Variants in NAA11 observed in about 807,000 individuals in gnomAD.
NAA11 encodes the protein N-alpha-acetyltransferase 11, NatA catalytic subunit, also known as N-alpha-acetyltransferase 11.
NAA11 carries 15 observed loss-of-function variants against 16.1 expected under a neutral mutation model. The ratio of observed to expected loss-of-function variants is 0.93; its 90% CI spans 0.62 to 1.44. The LOEUF (loss-of-function observed/expected upper bound fraction) is 1.44, where lower values mean the gene tolerates loss of function less well. NAA11 is among the 40% of genes most tolerant of loss of function. The pLI is 0.00. For missense variants in NAA11, 298 were observed against 291.3 expected (o/e 1.02, Z -0.17); for synonymous variants, 122 against 112.4 (o/e 1.09, Z -0.54).
intron 1 of NAA11, chr4:79,306,942 T>C (rs1723600598): frequency 6.6e-6 from 1 of 152,230 alleles, no homozygotes. Flanking sequence ...CTTTTCTGAT[T>C]GTTTGAGCCT....
the NAA11 span, among the ~76,000 whole-genome samples, chr4:79,201,311 T>A: frequency 6.6e-6 from 1 of 151,796 alleles, no homozygotes; most frequent in East Asian, 1.9e-4. Context: ...AGATTCTTTA[T>A]ACACATAGCA....
At chr4:79,199,618 T>A in the NAA11 span, among the ~76,000 whole-genome samples, 1 of 151,902 alleles carries the variant, frequency 6.6e-6, no homozygotes, top group Admixed American at 6.6e-5. Flanking sequence ...AATGGCTTGT[T>A]TATTCTGCAC....
At chr4:79,208,201 T>C in the NAA11 span, among the ~76,000 whole-genome samples, 1 of 152,298 alleles carries the variant, frequency 6.6e-6, no homozygotes, top group East Asian at 1.9e-4. Context: ...TTTTCCTCAC[T>C]TGGCCTCTCC....
chr4:79,160,120 T>C, the NAA11 span, among the ~76,000 whole-genome samples: 4 of 152,170 alleles, frequency 2.6e-5, no homozygotes, highest in African/African-American at 9.6e-5. Flanking sequence ...GCCTCCCAAG[T>C]AGCTGGGATT....
the NAA11 span, among the ~76,000 whole-genome samples, chr4:79,174,904 T>A: frequency 6.6e-6 from 1 of 152,084 alleles, no homozygotes; most frequent in African/African-American, 2.4e-5. Context: ...TTCCTGAGCA[T>A]GTAAGAAATA....
At chr4:79,168,995 C>G in the NAA11 span, among the ~76,000 whole-genome samples, 1 of 152,086 alleles carries the variant, frequency 6.6e-6, no homozygotes, top group African/African-American at 2.4e-5. Flanking sequence ...TGAGTGAACT[C>G]CCATTCACAA....
chr4:79,245,787 GC>G (rs1192839886), intron 2 of NAA11, among the ~76,000 whole-genome samples: 2 of 142,968 alleles, frequency 1.4e-5, no homozygotes, highest in Admixed American at 6.8e-5. Flanking sequence ...CCGCCCAGCC[GC>G]CCGTCTGGGG....
rs1364710864 is a variant in NAA11 at position 79,316,911 on chromosome 4, T to C, written c.*893A>G. ...ACTTTGGCTTTGAATTCAAACAGAA[T>C]TGGGTTCAGATCCAGGATATTTAAT... On this transcript the variant is annotated 3_prime_UTR_variant, in exon 2 of 2. Coordinates refer to ENST00000286794, the MANE Select transcript of NAA11 (RefSeq NM_032693.3). 8.5e-5 allele frequency: 13 copies of C among 152,122 alleles called. No individual in the cohort carries two copies. Among genetic ancestry groups the C allele is most frequent in the Admixed American group, 7.9e-4 (12 of 15,272 alleles). 9.4% of individuals were successfully genotyped at this position (152,122 alleles called of 1,614,324 possible).
intron 2 of NAA11, among the ~76,000 whole-genome samples, chr4:79,275,160 C>T (rs2109983333): frequency 8.8e-6 from 1 of 114,050 alleles, no homozygotes; most frequent in South Asian, 2.8e-4. Context: ...TTATTTTTCC[C>T]CTCCTACAGG....
the NAA11 span, among the ~76,000 whole-genome samples, chr4:79,220,375 G>A: frequency 1.8e-4 from 28 of 152,048 alleles, no homozygotes; most frequent in Non-Finnish European, 2.9e-5. Context: ...TTACAGACAT[G>A]AGCCACTGTG....
rs75983121 is a variant in NAA11 at position 79,253,894 on chromosome 4, C to T, written c.*123-27624G>A. 2.9e-3 allele frequency among the ~76,000 whole-genome samples: 444 copies of T among 152,300 alleles called. 3 individuals carry two copies. The highest frequency in any genetic ancestry group is 9.8e-3 in the African/African-American group (409 of 41,564). ...TTGTCAAAATAGATGAGCTTTCTGTCAGGAGGGAAGGTAGTTTTTCGTTGA... is the reference window on the plus strand; with the variant it reads ...TTGTCAAAATAGATGAGCTTTCTGTTAGGAGGGAAGGTAGTTTTTCGTTGA... On this transcript the variant is annotated intron_variant and NMD_transcript_variant, in intron 2 of 2. Transcript: ENST00000511542.
intron 2 of NAA11, among the ~76,000 whole-genome samples, chr4:79,244,312 TCATTGGGCTACTTC>T (rs1309756967): frequency 3.7e-5 from 5 of 135,196 alleles, no homozygotes; most frequent in African/African-American, 1.3e-4. Flanking sequence ...CCAGTCCGCT[TCATTGGGCTACTTC>T]CAGTAATACT....
chr4:79,182,379 T>C, the NAA11 span, among the ~76,000 whole-genome samples: 2 of 152,138 alleles, frequency 1.3e-5, no homozygotes, highest in Non-Finnish European at 2.9e-5. Flanking sequence ...AAATCAATAC[T>C]AATGGGGGAA....
At chr4:79,225,489 A>G (rs954057183), downstream of NAA11, among the ~76,000 whole-genome samples, 3 of 152,084 alleles carry the variant, frequency 2.0e-5, no homozygotes, top group Non-Finnish European at 4.4e-5. Context: ...TCTTGGCAAG[A>G]GATGATGGTA....
intron 2 of NAA11, among the ~76,000 whole-genome samples, chr4:79,286,461 A>G (rs1349670506): frequency 6.6e-6 from 1 of 152,008 alleles, no homozygotes; most frequent in East Asian, 1.9e-4. Context: ...TGTGTTATAG[A>G]TTTGTGTTTA....
At chr4:79,229,187 T>A (rs907731485) in intron 2 of NAA11, among the ~76,000 whole-genome samples, 3 of 152,014 alleles carry the variant, frequency 2.0e-5, no homozygotes, top group Non-Finnish European at 4.4e-5. Flanking sequence ...CTAGAAATTC[T>A]ATACTTTTAT....
intron 2 of NAA11, among the ~76,000 whole-genome samples, chr4:79,254,103 TTGA>T: frequency 6.6e-6 from 1 of 152,200 alleles, no homozygotes; most frequent in East Asian, 1.9e-4. Flanking sequence ...TTGGTGAGCT[TTGA>T]TGAATGGCCT....
the NAA11 span, among the ~76,000 whole-genome samples, chr4:79,180,350 G>C: frequency 3.3e-5 from 5 of 152,068 alleles, no homozygotes; most frequent in Admixed American, 3.3e-4. Flanking sequence ...AATATTTTTT[G>C]TGTTCACAAA....
intron 2 of NAA11, among the ~76,000 whole-genome samples, chr4:79,271,723 T>G (rs936817122): frequency 3.9e-5 from 6 of 152,060 alleles, no homozygotes; most frequent in Admixed American, 3.3e-4. Context: ...AAATGTTGAA[T>G]TTCTTACTAA....
Sources: allele counts gnomAD v4.1 joint callset (sites outside exome capture counted in the v4.1 genomes callset), GRCh38; gene constraint gnomAD v4.1.1; transcripts MANE v1.5; gene names NCBI Gene and HGNC (gene_info 2026-07-23, HGNC 2026-07-21).